ST8SIA4: variants seen among roughly 807,000 people sequenced by gnomAD.
ST8SIA4 encodes the protein ST8 alpha-N-acetyl-neuraminide alpha-2,8-sialyltransferase 4.
A neutral mutation model predicts 33.9 loss-of-function variants in ST8SIA4; 15 were observed. The observed-to-expected ratio is 0.44, with a 90% confidence interval of 0.30 to 0.68. ST8SIA4 has a LOEUF of 0.68. Among genes scored for constraint, ST8SIA4 ranks in the 30% least tolerant of loss-of-function variants. The pLI is 0.10. For missense variants in ST8SIA4, 321 were observed against 428.0 expected (o/e 0.75, Z 2.21); for synonymous variants, 171 against 151.2 (o/e 1.13, Z -0.96).
intron 4 of ST8SIA4, among the ~76,000 whole-genome samples, chr5:100,826,340 C>G (rs1264762759): frequency 6.6e-6 from 1 of 152,048 alleles, no homozygotes; most frequent in African/African-American, 2.4e-5. Flanking sequence ...TTTCAATTTC[C>G]AGTTGATTCA....
chr5:100,823,564 T>C (rs1038099201), intron 4 of ST8SIA4, among the ~76,000 whole-genome samples: 12 of 152,230 alleles, frequency 7.9e-5, no homozygotes, highest in African/African-American at 2.9e-4. Context: ...CAAATTTAAG[T>C]TCAGTTTCAT....
In ST8SIA4 at chr5:100,897,860, C is replaced by T. The variant is rs187321533; in HGVS notation, c.114-2075G>A. Among the ~76,000 whole-genome samples, 723 of 152,208 alleles carry T rather than the reference C, an allele frequency of 4.8e-3. 6 individuals are homozygous for T. The highest frequency in any genetic ancestry group is 0.016 in the African/African-American group (678 of 41,536). On this transcript the variant is annotated intron_variant, in intron 1 of 4. Coordinates refer to ENST00000231461, the MANE Select transcript of ST8SIA4 (RefSeq NM_005668.6). ...GGAGCATTTAGGATGCCAGAAAACA[C>T]GGGGTGTGCTTTACTGACCATCGGC... is the stretch of plus-strand genomic sequence containing the variant.
chr5:100,871,476 C>A (rs998385690), intron 3 of ST8SIA4, among the ~76,000 whole-genome samples: 1 of 152,076 alleles, frequency 6.6e-6, no homozygotes, highest in Non-Finnish European at 1.5e-5. Context: ...TTTGTAGACA[C>A]TCCTATCTGA....
chr5:100,838,099 A>T (rs73159960), intron 4 of ST8SIA4, among the ~76,000 whole-genome samples: 1 of 152,106 alleles, frequency 6.6e-6, no homozygotes, highest in African/African-American at 2.4e-5. Flanking sequence ...TGTTATCAGG[A>T]TGTATGAGAC....
At chr5:100,822,122 C>T (rs532487181) in intron 4 of ST8SIA4, among the ~76,000 whole-genome samples, 10 of 152,168 alleles carry the variant, frequency 6.6e-5, no homozygotes, top group Non-Finnish European at 1.2e-4. Context: ...GGCTATAAGA[C>T]GCTATGAAAT....
rs1212922549 is a variant in ST8SIA4, at chr5:100,868,418, C to T, written c.504-12022G>A. Among the ~76,000 whole-genome samples the T allele has an allele frequency of 2.6e-5, 4 of 151,996 alleles. No homozygotes were observed. The South Asian group carries it at 6.2e-4, about 24-fold the overall frequency. On this transcript the variant is annotated intron_variant, in intron 3 of 4. Coordinates refer to ENST00000231461, the MANE Select transcript of ST8SIA4 (RefSeq NM_005668.6). ...TAAAATCTATTCTATTACTAATCAT[C>T]TTTGTGAAAAGATATTAAAAGACAC...
At chr5:100,902,278 T>C (rs1010993886) in intron 1 of ST8SIA4, among the ~76,000 whole-genome samples, 2 of 152,218 alleles carry the variant, frequency 1.3e-5, no homozygotes, top group Admixed American at 6.5e-5. Context: ...CCATGCGTTT[T>C]AGCCGTAGAA....
intron 3 of ST8SIA4, among the ~76,000 whole-genome samples, chr5:100,883,432 A>G (rs1752471127): frequency 6.6e-6 from 1 of 152,126 alleles, no homozygotes; most frequent in Non-Finnish European, 1.5e-5. Context: ...GGCGGAAGGG[A>G]CTTGCCTTGT....
chr5:100,871,822 A>C (rs1752202658), intron 3 of ST8SIA4, among the ~76,000 whole-genome samples: 1 of 152,056 alleles, frequency 6.6e-6, no homozygotes, highest in Non-Finnish European at 1.5e-5. Context: ...CTCTGCTGTT[A>C]ATAGGCCTAT....
In ST8SIA4 at chr5:100,832,876, C is replaced by T. The variant is rs543123847; in HGVS notation, c.798-20747G>A. ...TTTCATCTACCTTACTACTCTACCA[C>T]CTTCCGTTAAGAAAATCCAATCCAC... is the stretch of plus-strand genomic sequence containing the variant. On this transcript the variant is annotated intron_variant, in intron 4 of 4. Coordinates refer to ENST00000231461, the MANE Select transcript of ST8SIA4 (RefSeq NM_005668.6). Among the ~76,000 whole-genome samples the T allele has an allele frequency of 7.2e-5, 11 of 152,200 alleles. No individual in the cohort carries two copies. The South Asian group carries it at 2.3e-3, about 32-fold the overall frequency.
intron 2 of ST8SIA4, chr5:100,890,504 T>G (rs1213405389): frequency 6.6e-6 from 1 of 151,922 alleles, no homozygotes. Context: ...GAAAACTGGC[T>G]TTAATATCTG....
At chr5:100,845,161 A>G (rs1751544018) in intron 4 of ST8SIA4, among the ~76,000 whole-genome samples, 1 of 152,022 alleles carries the variant, frequency 6.6e-6, no homozygotes, top group Non-Finnish European at 1.5e-5. Context: ...ACTGACCATG[A>G]TCAATCACAT....
intron 4 of ST8SIA4, among the ~76,000 whole-genome samples, chr5:100,812,847 G>A (rs1750842064): frequency 6.6e-6 from 1 of 152,102 alleles, no homozygotes; most frequent in Non-Finnish European, 1.5e-5. Context: ...AAACATTGGT[G>A]TGAAAAGCAC....
chr5:100,857,167 C>A (rs1751832391), intron 3 of ST8SIA4, among the ~76,000 whole-genome samples: 1 of 151,682 alleles, frequency 6.6e-6, no homozygotes, highest in African/African-American at 2.4e-5. Flanking sequence ...ATATGCCGTA[C>A]TGTTTTCTCC....
At chr5:100,842,621 A>G (rs1751491987) in intron 4 of ST8SIA4, among the ~76,000 whole-genome samples, 1 of 151,832 alleles carries the variant, frequency 6.6e-6, no homozygotes, top group African/African-American at 2.4e-5. Context: ...ATATTTTGGT[A>G]TAAGGTTAGC....
rs79577664 is a variant in ST8SIA4 at position 100,813,535 on chromosome 5, A to G, written c.798-1406T>C. Reference sequence around the variant, plus strand: ...AATTTTCAGAGAAGAACATCTAGGAATTTTCTCATAACTCAAAGTAACTGA... The same window carrying G: ...AATTTTCAGAGAAGAACATCTAGGAGTTTTCTCATAACTCAAAGTAACTGA... On this transcript the variant is annotated intron_variant, in intron 4 of 4. Coordinates refer to ENST00000231461, the MANE Select transcript of ST8SIA4 (RefSeq NM_005668.6). Among the ~76,000 whole-genome samples the G allele has an allele frequency of 7.8e-3, 1,184 of 152,084 alleles. 16 individuals are homozygous for G. Among genetic ancestry groups the G allele is most frequent in the African/African-American group, 0.027 (1,140 of 41,544 alleles).
At chr5:100,851,714 G>T (rs186604560) in intron 4 of ST8SIA4, among the ~76,000 whole-genome samples, 4 of 151,846 alleles carry the variant, frequency 2.6e-5, no homozygotes, top group Admixed American at 2.6e-4. Flanking sequence ...AGAAATTCTC[G>T]TCATAGTTTG....
intron 4 of ST8SIA4, among the ~76,000 whole-genome samples, chr5:100,840,599 A>G (rs1273421038): frequency 6.6e-6 from 1 of 151,786 alleles, no homozygotes; most frequent in Non-Finnish European, 1.5e-5. Flanking sequence ...ATCATGACTC[A>G]CAGTGCTTGA....
chr5:100,812,476 A>T (rs1324841315), intron 4 of ST8SIA4, among the ~76,000 whole-genome samples: 3 of 152,106 alleles, frequency 2.0e-5, no homozygotes, highest in Non-Finnish European at 4.4e-5. Context: ...CAACTGCAGA[A>T]GTCATGGTAA....
Sources: gnomAD v4.1 joint callset for allele counts (sites outside exome capture counted in the v4.1 genomes callset) on GRCh38, gnomAD v4.1.1 for gene constraint, MANE v1.5 for transcripts, NCBI Gene and HGNC (gene_info 2026-07-23, HGNC 2026-07-21) for gene names.